RBM47: variants seen among roughly 807,000 people sequenced by gnomAD.
The protein encoded by RBM47 is RNA-binding protein 47.
In RBM47, 21 loss-of-function variants were observed where a neutral mutation model predicts 47.1. The ratio of observed to expected loss-of-function variants is 0.45; its 90% CI spans 0.32 to 0.64. RBM47 has a LOEUF of 0.64. RBM47 is among the 30% of genes least tolerant of loss of function. The pLI is 0.05. For synonymous variants in RBM47, 375 were observed against 361.7 expected (o/e 1.04, Z -0.42); for missense variants, 708 against 870.9 (o/e 0.81, Z 2.35).
chr4:40,451,296 G>T (rs545808898), intron 3 of RBM47, among the ~76,000 whole-genome samples: 72 of 151,822 alleles, frequency 4.7e-4, no homozygotes, highest in African/African-American at 1.7e-3. Flanking sequence ...ATTTAATTTG[G>T]TTGAAACACT....
At chr4:40,449,529 A>G (rs1715077517) in intron 3 of RBM47, among the ~76,000 whole-genome samples, 1 of 152,154 alleles carries the variant, frequency 6.6e-6, no homozygotes, top group South Asian at 2.1e-4. Flanking sequence ...ATCAACACAC[A>G]CCTGAGAATG....
chr4:40,619,898 C>A (rs1737094407), intron 1 of RBM47, among the ~76,000 whole-genome samples: 1 of 152,140 alleles, frequency 6.6e-6, no homozygotes. Context: ...GCTCAAACAG[C>A]AGTTAAGTCT....
At chr4:40,458,834 C>T (rs926762765) in intron 3 of RBM47, among the ~76,000 whole-genome samples, 1 of 151,960 alleles carries the variant, frequency 6.6e-6, no homozygotes. Context: ...AAAACAGGTC[C>T]TTCTGCAAAC....
intron 1 of RBM47, among the ~76,000 whole-genome samples, chr4:40,554,867 T>C (rs1015934265): frequency 2.0e-5 from 3 of 151,788 alleles, no homozygotes; most frequent in Non-Finnish European, 4.4e-5. Flanking sequence ...GTTCAAGTGA[T>C]TCTCCTGCCT....
intron 1 of RBM47, among the ~76,000 whole-genome samples, chr4:40,622,938 C>T (rs188878296): frequency 8.2e-4 from 125 of 152,214 alleles, no homozygotes; most frequent in Non-Finnish European, 1.5e-3. Context: ...GCGGGGAGAG[C>T]GGTGAGGACA....
At chr4:40,540,619 C>T (rs1197187825) in intron 2 of RBM47, among the ~76,000 whole-genome samples, 1 of 134,478 alleles carries the variant, frequency 7.4e-6, no homozygotes, top group East Asian at 2.1e-4. Context: ...GCCTAGGTAA[C>T]AGGAGTGAAA....
rs148486632 is a variant in RBM47, at chr4:40,511,065, T to C, written c.-155+33357A>G. 6.8e-3 allele frequency among the ~76,000 whole-genome samples: 1,043 copies of C among 152,284 alleles called. 13 individuals carry two copies. Among genetic ancestry groups the C allele is most frequent in the African/African-American group, 0.024 (1,011 of 41,566 alleles). ...TTATCACTGGGCTAACCTATACGCA[T>C]TCAGTTTTTACTTCATCCTGCAAAA... On this transcript the variant is annotated intron_variant, in intron 2 of 6. Transcript: ENST00000295971.
chr4:40,561,227 CTTTTT>C (rs1176318537), intron 1 of RBM47, among the ~76,000 whole-genome samples: 2 of 113,618 alleles, frequency 1.8e-5, no homozygotes, highest in East Asian at 2.7e-4. Flanking sequence ...TTTCCATTGT[CTTTTT>C]TTTTTTTTTT....
intron 2 of RBM47, among the ~76,000 whole-genome samples, chr4:40,479,366 GC>G: frequency 6.6e-6 from 1 of 152,230 alleles, no homozygotes; most frequent in South Asian, 2.1e-4. Flanking sequence ...ACTTTGGGAG[GC>G]CAGGACAGGA....
chr4:40,486,220 G>A (rs1173157882), intron 2 of RBM47, among the ~76,000 whole-genome samples: 1 of 151,782 alleles, frequency 6.6e-6, no homozygotes, highest in Non-Finnish European at 1.5e-5. Context: ...CAAGAACTGA[G>A]CATTAAATGG....
rs1299017194 is a variant in RBM47, at chr4:40,424,953, G to A, written c.*951C>T. 1 of 150,604 alleles carries A rather than the reference G, an allele frequency of 6.6e-6. No homozygotes were observed. Among genetic ancestry groups the A allele is most frequent in the South Asian group, 2.1e-4 (1 of 4,750 alleles). The allele number at this position is 150,604 out of a possible 1,614,324, so 9.3% of individuals were successfully genotyped here. A position where few individuals can be genotyped will look rare whatever the true frequency, so the allele number is the denominator to read the frequency against. On this transcript the variant is annotated 3_prime_UTR_variant, in exon 7 of 7. Coordinates refer to ENST00000295971, the MANE Select transcript of RBM47 (RefSeq NM_001098634.2). ...TACTCTGCTACTGAAAATAGCACACGTAGAAGACAATACTTCCCCAACCAA... is the reference window on the plus strand; with the variant it reads ...TACTCTGCTACTGAAAATAGCACACATAGAAGACAATACTTCCCCAACCAA...
At chr4:40,447,650 G>A (rs991672612) in intron 3 of RBM47, among the ~76,000 whole-genome samples, 8 of 152,166 alleles carry the variant, frequency 5.3e-5, no homozygotes, top group African/African-American at 9.7e-5. Context: ...AGGCTGAGGC[G>A]GGTGGATCAC....
intron 2 of RBM47, among the ~76,000 whole-genome samples, chr4:40,501,484 A>G (rs1245121196): frequency 6.6e-6 from 1 of 152,242 alleles, no homozygotes; most frequent in East Asian, 1.9e-4. Flanking sequence ...TAATGATGGA[A>G]ACACTCTGCG....
intron 1 of RBM47, among the ~76,000 whole-genome samples, chr4:40,617,356 A>T (rs936178150): frequency 1.3e-5 from 2 of 152,022 alleles, no homozygotes; most frequent in Non-Finnish European, 2.9e-5. Flanking sequence ...CAGGAGATGG[A>T]GACCATCCTG....
intron 1 of RBM47, among the ~76,000 whole-genome samples, chr4:40,550,844 G>A (rs774129100): frequency 3.3e-5 from 5 of 151,446 alleles, no homozygotes; most frequent in East Asian, 3.9e-4. Flanking sequence ...GAAGAAACTC[G>A]TCTTAAAACT....
intron 2 of RBM47, among the ~76,000 whole-genome samples, chr4:40,488,510 G>A (rs1721434341): frequency 6.6e-6 from 1 of 152,084 alleles, no homozygotes; most frequent in Non-Finnish European, 1.5e-5. Context: ...TATCATCATT[G>A]TAATATGGGT....
At chr4:40,511,045 A>T (rs1724859632) in intron 2 of RBM47, among the ~76,000 whole-genome samples, 1 of 152,174 alleles carries the variant, frequency 6.6e-6, no homozygotes, top group Admixed American at 6.5e-5. Context: ...TTTCATTATC[A>T]CTGGGCTAAC....
intron 1 of RBM47, among the ~76,000 whole-genome samples, chr4:40,600,175 T>C (rs1445287957): frequency 2.9e-5 from 4 of 139,462 alleles, no homozygotes; most frequent in Non-Finnish European, 6.2e-5. Context: ...CTAATTTTTT[T>C]ATGAATTTTT....
intron 1 of RBM47, among the ~76,000 whole-genome samples, chr4:40,583,393 A>G (rs1462663483): frequency 0.36 from 33,021 of 91,092 alleles, 5,311 homozygotes; most frequent in African/African-American, 0.42. Context: ...TCTCAGAAAA[A>G]AAAAAAAAAA....
Sources: gnomAD v4.1 joint callset for allele counts (sites outside exome capture counted in the v4.1 genomes callset) on GRCh38, gnomAD v4.1.1 for gene constraint, MANE v1.5 for transcripts, NCBI Gene and HGNC (gene_info 2026-07-23, HGNC 2026-07-21) for gene names.